Variants in N4BP1 observed in about 807,000 individuals in gnomAD.
N4BP1 encodes NEDD4-binding protein 1.
In N4BP1, 21 loss-of-function variants were observed where a neutral mutation model predicts 70.9. The observed-to-expected ratio is 0.30, with a 90% CI of 0.21 to 0.43. The LOEUF is 0.43. Among genes scored for constraint, N4BP1 ranks in the 20% least tolerant of loss-of-function variants. The pLI is 1.00. For missense variants in N4BP1, 936 were observed against 1,069.4 expected (o/e 0.88, Z 1.74); for synonymous variants, 387 against 394.6 (o/e 0.98, Z 0.23).
chr16:48,609,917 A>G lies in N4BP1; in HGVS notation c.56T>C (p.Leu19Pro). The G allele has an allele frequency of 6.9e-7, 1 of 1,442,200 alleles. No homozygotes were observed. Among genetic ancestry groups the G allele is most frequent in the Non-Finnish European group, 9.1e-7 (1 of 1,094,150 alleles). The allele number at this position is 1,442,200 out of a possible 1,614,324, so 89.3% of individuals were successfully genotyped here. A position where few individuals can be genotyped will look rare whatever the true frequency, so the allele number is the denominator to read the frequency against. The change falls in exon 1 of 7, where the codon CTG becomes CCG. Residue 19 changes from leucine (L) to proline (P), a missense_variant. This residue lies in a region of N4BP1 where 187 missense variants were observed against 217.1 expected (regional missense o/e 0.86). Coordinates refer to ENST00000262384, the MANE Select transcript of N4BP1 (RefSeq NM_153029.4). Reference protein sequence around the residue: ...EFTAPAEKAELLEQSRGRIEG... With the variant: ...EFTAPAEKAEPLEQSRGRIEG... ...GATACGGCCGCGGCTCTGCTCCAGC[A>G]GCTCCGCCTTCTCAGCTGGCGCAGT...
intron 5 of N4BP1, 48 bp from the exon 6 acceptor site, chr16:48,546,302 C>T (rs767207254): frequency 1.5e-6 from 2 of 1,365,260 alleles, no homozygotes; most frequent in Non-Finnish European, 2.0e-6. Flanking sequence ...CCTCACTGCC[C>T]AGGGCCTGCG....
chr16:48,595,887 A>T (rs985288006), intron 1 of N4BP1, among the ~76,000 whole-genome samples: 3 of 152,174 alleles, frequency 2.0e-5, no homozygotes, highest in Non-Finnish European at 4.4e-5. Flanking sequence ...TTATCTTGGG[A>T]CCTCAAGAGG....
intron 1 of N4BP1, among the ~76,000 whole-genome samples, chr16:48,582,722 G>GTT (rs1964190456): frequency 6.6e-6 from 1 of 152,032 alleles, no homozygotes; most frequent in East Asian, 1.9e-4. Flanking sequence ...TATAGGACTC[G>GTT]GTACCATCCA....
At chr16:48,609,633 G>T in intron 1 of N4BP1, 142 bp downstream of exon 1, 1 of 693,034 alleles carries the variant, frequency 1.4e-6, no homozygotes, top group Non-Finnish European at 2.0e-6. Context: ...CTCGCGAGCC[G>T]AAAAGGCACG....
At position 48,542,906 on chromosome 16, in the gene N4BP1, A is replaced by T; in HGVS notation, c.2689T>A (p.Ter897ArgextTer4). The change falls in exon 7 of 7, where the codon TGA (stop) becomes AGA (arginine). Residue 897 changes from the stop codon to arginine, a stop_lost. Coordinates refer to ENST00000262384, the MANE Select transcript of N4BP1 (RefSeq NM_153029.4). ...AAGCTCAGCGCTCAGCACAATCTTC[A>T]ATCCAACACCATGGCAGAAAGCGCA... ...LNALSAMVLD[*>R] is the part of the protein sequence containing the mutation. 1 of 1,601,558 alleles carries T rather than the reference A, an allele frequency of 6.2e-7. No homozygotes were observed. The highest frequency in any genetic ancestry group is 8.5e-7 in the Non-Finnish European group (1 of 1,170,748).
intron 1 of N4BP1, chr16:48,600,091 A>G (rs573585391): frequency 2.6e-6 from 1 of 380,838 alleles, no homozygotes; most frequent in Admixed American, 4.5e-5. Context: ...AGAATGAAAC[A>G]TACTGTGAAT....
intron 1 of N4BP1, 113 bp from the exon 2 acceptor site, chr16:48,562,557 T>A (rs565187277): frequency 2.4e-6 from 2 of 848,742 alleles, no homozygotes. Context: ...CACAAGCATG[T>A]TTGTAATTTT....
chr16:48,558,111 C>T (rs892419500), intron 2 of N4BP1, among the ~76,000 whole-genome samples: 12 of 152,200 alleles, frequency 7.9e-5, no homozygotes, highest in East Asian at 1.9e-4. Flanking sequence ...ATACCCATTA[C>T]GCAGTTTCTT....
intron 6 of N4BP1, among the ~76,000 whole-genome samples, chr16:48,543,665 T>C (rs1218727062): frequency 2.6e-5 from 4 of 152,134 alleles, no homozygotes; most frequent in Non-Finnish European, 5.9e-5. Flanking sequence ...GAGACTCCTT[T>C]TGGGGAGAGT....
chr16:48,605,250 C>T (rs946118179), intron 1 of N4BP1, among the ~76,000 whole-genome samples: 3 of 152,062 alleles, frequency 2.0e-5, no homozygotes, highest in Non-Finnish European at 2.9e-5. Context: ...GGGCTGGTCT[C>T]GAACTCCCGA....
At chr16:48,562,824 A>G (rs1208500944) in intron 1 of N4BP1, among the ~76,000 whole-genome samples, 2 of 152,234 alleles carry the variant, frequency 1.3e-5, no homozygotes, top group Non-Finnish European at 2.9e-5. Context: ...ATCAAGAGAT[A>G]AGATAATCAA....
At chr16:48,581,269 A>G (rs1299237562) in intron 1 of N4BP1, among the ~76,000 whole-genome samples, 1 of 151,922 alleles carries the variant, frequency 6.6e-6, no homozygotes, top group Non-Finnish European at 1.5e-5. Flanking sequence ...AAATCCCAAC[A>G]CTTCAACACA....
chr16:48,554,280 T>C (rs1963719919), intron 2 of N4BP1, among the ~76,000 whole-genome samples: 1 of 152,114 alleles, frequency 6.6e-6, no homozygotes, highest in South Asian at 2.1e-4. Flanking sequence ...GTCTCTGTCA[T>C]ACCACCCAAC....
chr16:48,562,480 A>C (rs1963876663), intron 1 of N4BP1, 36 bp from the exon 2 acceptor site: 2 of 1,528,726 alleles, frequency 1.3e-6, no homozygotes, highest in Non-Finnish European at 1.8e-6. Context: ...GTCAATTTAC[A>C]AAAGTTCCTT....
intron 1 of N4BP1, among the ~76,000 whole-genome samples, chr16:48,586,477 G>A (rs958371446): frequency 2.0e-5 from 3 of 151,210 alleles, no homozygotes; most frequent in Admixed American, 6.6e-5. Context: ...TTTTTTCACC[G>A]TAACTACACG....
chr16:48,594,600 C>A (rs1964384069), intron 1 of N4BP1, among the ~76,000 whole-genome samples: 2 of 152,174 alleles, frequency 1.3e-5, no homozygotes, highest in African/African-American at 4.8e-5. Context: ...AAGTGATCTG[C>A]CCACCTCGAC....
chr16:48,600,384 A>G (rs751808750), intron 1 of N4BP1: 4 of 732,040 alleles, frequency 5.5e-6, no homozygotes, highest in Non-Finnish European at 9.9e-6. Flanking sequence ...TGAAAAACAT[A>G]GAAATGAAAC....
chr16:48,602,215 C>A (rs182426958), intron 1 of N4BP1, among the ~76,000 whole-genome samples: 1 of 152,096 alleles, frequency 6.6e-6, no homozygotes, highest in African/African-American at 2.4e-5. Context: ...CACAGTGAGA[C>A]CCTGTCTCAA....
chr16:48,602,590 A>AT (rs1964518405), intron 1 of N4BP1, among the ~76,000 whole-genome samples: 1 of 152,086 alleles, frequency 6.6e-6, no homozygotes, highest in African/African-American at 2.4e-5. Context: ...TAAGAAGATG[A>AT]TTTTCACAAC....
Sources: gnomAD v4.1 joint callset for allele counts (sites outside exome capture counted in the v4.1 genomes callset) on GRCh38, gnomAD v4.1.1 for gene constraint, gnomAD v4.1.1 regional missense constraint, MANE v1.5 for transcripts, NCBI Gene and HGNC (gene_info 2026-07-23, HGNC 2026-07-21) for gene names.